FRZB: variants seen among roughly 807,000 people sequenced by gnomAD.
The protein encoded by FRZB is secreted frizzled-related protein 3.
A neutral mutation model predicts 32.5 loss-of-function variants in FRZB; 34 were observed. That is an observed-to-expected ratio of 1.05 (90% CI 0.80 to 1.39). The LOEUF (loss-of-function observed/expected upper bound fraction) is 1.39, where lower values mean the gene tolerates loss of function less well. FRZB is among the 40% of genes most tolerant of loss of function. The probability of loss-of-function intolerance (pLI) is 0.00; values close to 1 mark genes in which losing one functional copy is unlikely to be tolerated. For missense variants in FRZB, 423 were observed against 424.8 expected, an observed-to-expected ratio of 1.00 and a Z score of 0.04; for synonymous variants, 170 against 159.2, an observed-to-expected ratio of 1.07 and a Z score of -0.51.
intron 5 of FRZB, among the ~76,000 whole-genome samples, chr2:182,835,441 G>A (rs1695513510): frequency 6.7e-6 from 1 of 150,220 alleles, no homozygotes; most frequent in African/African-American, 2.5e-5. Context: ...AAATTTTTTT[G>A]AGGGATGGGG....
At chr2:182,839,321 A>G (rs544538172) in intron 3 of FRZB, among the ~76,000 whole-genome samples, 1 of 152,054 alleles carries the variant, frequency 6.6e-6, no homozygotes, top group South Asian at 2.1e-4. Flanking sequence ...TGTTCAGTAC[A>G]GATTATCTTT....
At chr2:182,840,668 A>G (rs1004811967) in intron 3 of FRZB, among the ~76,000 whole-genome samples, 2 of 152,096 alleles carry the variant, frequency 1.3e-5, no homozygotes, top group Non-Finnish European at 2.9e-5. Context: ...AAGAAACTGT[A>G]AGAAATCCCA....
chr2:182,846,624 C>G (rs1695643619), intron 2 of FRZB, among the ~76,000 whole-genome samples: 1 of 152,294 alleles, frequency 6.6e-6, no homozygotes, highest in South Asian at 2.1e-4. Context: ...GTCTCATATC[C>G]TGGCATTTGA....
At chr2:182,849,325 T>A (rs953367456) in intron 2 of FRZB, among the ~76,000 whole-genome samples, 9 of 152,108 alleles carry the variant, frequency 5.9e-5, no homozygotes, top group Admixed American at 5.2e-4. Context: ...TATATACATT[T>A]GTCAAAATTT....
At chr2:182,854,191 T>C (rs758577561) in intron 2 of FRZB, among the ~76,000 whole-genome samples, 6 of 152,196 alleles carry the variant, frequency 3.9e-5, no homozygotes, top group Non-Finnish European at 7.3e-5. Context: ...TAATGTTACA[T>C]ATCTTGGTTG....
intron 3 of FRZB, among the ~76,000 whole-genome samples, chr2:182,839,328 C>G (rs1460523190): frequency 6.6e-6 from 1 of 151,986 alleles, no homozygotes; most frequent in Non-Finnish European, 1.5e-5. Flanking sequence ...TACAGATTAT[C>G]TTTTATATTC....
At chr2:182,845,562 GA>G (rs35926697) in intron 2 of FRZB, among the ~76,000 whole-genome samples, 11,133 of 150,446 alleles carry the variant, frequency 0.074, 563 homozygotes, top group Admixed American at 0.16. Context: ...TTTATGTAAG[GA>G]AAAAAAAATA....
At chr2:182,838,046 A>G (rs976286904) in intron 4 of FRZB, 35 bp from the exon 5 acceptor site, 7 of 1,542,446 alleles carry the variant, frequency 4.5e-6, no homozygotes, top group Non-Finnish European at 6.3e-6. Context: ...TTTTTGAAAA[A>G]TTAAAACCTG....
chr2:182,849,172 A>G (rs1695682136), intron 2 of FRZB, among the ~76,000 whole-genome samples: 1 of 152,036 alleles, frequency 6.6e-6, no homozygotes, highest in Non-Finnish European at 1.5e-5. Flanking sequence ...GCTTGCAGTG[A>G]GCTGAGATCG....
At chr2:182,853,271 G>C (rs959551048) in intron 2 of FRZB, among the ~76,000 whole-genome samples, 1 of 152,108 alleles carries the variant, frequency 6.6e-6, no homozygotes, top group African/African-American at 2.4e-5. Context: ...ATGTTGAACT[G>C]TTTTTTGTAT....
At position 182,838,605 on chromosome 2, in the gene FRZB, C is replaced by A. The variant is rs1413012990; in HGVS notation, c.601G>T (p.Ala201Ser). Residue 201 changes from alanine to serine, a missense_variant, in exon 4 of 6, where the codon GCT becomes TCT. By Grantham distance (99) the Ala-to-Ser change is moderately conservative. Coordinates refer to ENST00000295113, the MANE Select transcript of FRZB (RefSeq NM_001463.4). ...TTAGTCTTTATCTCTTTAACTTTAGCCCGAATGACTGGGATAAAAGACAAG... is the reference window on the plus strand; with the variant it reads ...TTAGTCTTTATCTCTTTAACTTTAGACCGAATGACTGGGATAAAAGACAAG... ...FRNNYNYVIR[A>S]KVKEIKTKCH... 9.3e-6 allele frequency: 15 copies of A among 1,612,038 alleles called. No individual in the cohort carries two copies. The highest frequency in any genetic ancestry group is 1.3e-5 in the Non-Finnish European group (15 of 1,178,574).
intron 2 of FRZB, among the ~76,000 whole-genome samples, chr2:182,858,048 A>G (rs534112779): frequency 6.6e-6 from 1 of 152,342 alleles, no homozygotes; most frequent in East Asian, 1.9e-4. Flanking sequence ...ACTCTTATAC[A>G]TTACTAGCAC....
intron 1 of FRZB, among the ~76,000 whole-genome samples, chr2:182,861,577 A>G (rs1360951496): frequency 6.6e-6 from 1 of 152,260 alleles, no homozygotes; most frequent in African/African-American, 2.4e-5. Context: ...TGTCAATGTC[A>G]AGCGACTAGT....
intron 5 of FRZB, among the ~76,000 whole-genome samples, chr2:182,837,544 G>T (rs1206311938): frequency 6.6e-6 from 1 of 151,844 alleles, no homozygotes; most frequent in Admixed American, 6.6e-5. Context: ...TCTTTTTCCT[G>T]CCTGAAATGT....
At position 182,834,717 on chromosome 2, in the gene FRZB, A is replaced by G; in HGVS notation, c.*132T>C. 2.8e-6 allele frequency: 2 copies of G among 708,322 alleles called. No homozygotes were observed. The allele number at this position is 708,322 out of a possible 1,614,324, so 43.9% of individuals were successfully genotyped here. ...AACCAAAAGAGAAACAGAAGTAATA[A>G]TCAGTTATCACATGATTTTTATAGT... is the stretch of plus-strand genomic sequence containing the variant. On this transcript the variant is annotated 3_prime_UTR_variant, in exon 6 of 6. Coordinates refer to ENST00000295113, the MANE Select transcript of FRZB (RefSeq NM_001463.4).
intron 3 of FRZB, among the ~76,000 whole-genome samples, chr2:182,841,686 A>G (rs1296958634): frequency 6.6e-6 from 1 of 152,174 alleles, no homozygotes. Flanking sequence ...GTATAAATGA[A>G]TTTATGACTC....
rs376737328 is a variant in FRZB, at chr2:182,835,131, T to C, written c.862-166A>G. ...CAGGGTAACAAGAAAACTGATGCAA[T>C]ATGAACATTATTCTCTGACTTTAAC... On this transcript the variant is annotated intron_variant, in intron 5 of 5. Coordinates refer to ENST00000295113, the MANE Select transcript of FRZB (RefSeq NM_001463.4). 3.3e-5 allele frequency among the ~76,000 whole-genome samples: 5 copies of C among 152,246 alleles called. No homozygotes were observed. In the East Asian group the frequency reaches 9.7e-4, roughly 29 times the overall value.
chr2:182,850,877 G>A lies in FRZB; in HGVS notation c.526+7909C>T, dbSNP rs542293866. 1.1e-4 allele frequency among the ~76,000 whole-genome samples: 17 copies of A among 152,028 alleles called. No homozygotes were observed. In the South Asian group the frequency reaches 1.5e-3, roughly 13 times the overall value. On this transcript the variant is annotated intron_variant, in intron 2 of 5. Coordinates refer to ENST00000295113, the MANE Select transcript of FRZB (RefSeq NM_001463.4). ...AGAGTTCCCCTTTTTCCACATCCTC[G>A]CTACCGTCTATTGTTCCATCTTTTT...
intron 3 of FRZB, among the ~76,000 whole-genome samples, chr2:182,842,032 A>C (rs1199097612): frequency 6.6e-6 from 1 of 152,174 alleles, no homozygotes; most frequent in East Asian, 1.9e-4. Context: ...CAAATCTGTC[A>C]GTGTTTTTCA....
Sources: allele counts gnomAD v4.1 joint callset (sites outside exome capture counted in the v4.1 genomes callset), GRCh38; gene constraint gnomAD v4.1.1; transcripts MANE v1.5; gene names NCBI Gene and HGNC (gene_info 2026-07-23, HGNC 2026-07-21).